TCEA3: variants seen among roughly 807,000 people sequenced by gnomAD.
TCEA3 encodes transcription elongation factor A protein 3.
In TCEA3, 36 loss-of-function variants were observed where a neutral mutation model predicts 44.0. The ratio of observed to expected loss-of-function variants is 0.82; its 90% CI spans 0.63 to 1.08. The LOEUF is 1.08. Ranked by LOEUF, TCEA3 falls within the 50% of genes least tolerant of loss-of-function variation. The pLI is 0.00. For missense variants in TCEA3, 392 were observed against 441.2 expected (o/e 0.89, Z 1.00); for synonymous variants, 162 against 159.7 (o/e 1.01, Z -0.11).
At chr1:23,382,479 CT>C (rs375291698) in intron 10 of TCEA3, among the ~76,000 whole-genome samples, 1 of 152,108 alleles carries the variant, frequency 6.6e-6, no homozygotes, top group African/African-American at 2.4e-5. Flanking sequence ...GTACTCAGGG[CT>C]TTTTTTGTAT....
At chr1:23,419,037 C>A (rs1026515098) in intron 2 of TCEA3, 40 bp downstream of exon 2, 1 of 1,098,532 alleles carries the variant, frequency 9.1e-7, no homozygotes. Context: ...ACCAGCTCTC[C>A]CCCCAGGCAC....
intron 1 of TCEA3, among the ~76,000 whole-genome samples, chr1:23,420,810 T>C (rs1184716682): frequency 6.6e-6 from 1 of 152,100 alleles, no homozygotes; most frequent in Non-Finnish European, 1.5e-5. Context: ...GGTTTGAAAA[T>C]CTGTGAGCTG....
chr1:23,392,415 CA>C (rs1639067882), intron 8 of TCEA3, among the ~76,000 whole-genome samples: 1 of 774 alleles, frequency 1.3e-3, no homozygotes, highest in African/African-American at 5.1e-3. Context: ...TCATCATGCA[CA>C]ATACACACAC....
At chr1:23,389,469 A>G (rs1357617627) in intron 8 of TCEA3, among the ~76,000 whole-genome samples, 1 of 144,634 alleles carries the variant, frequency 6.9e-6, no homozygotes. Flanking sequence ...CGCCTGGGCA[A>G]CAACAGCGAG....
At chr1:23,384,259 G>A in intron 10 of TCEA3, 87 bp downstream of exon 10, 1 of 1,607,606 alleles carries the variant, frequency 6.2e-7, no homozygotes, top group Non-Finnish European at 8.5e-7. Flanking sequence ...CATGCACAAG[G>A]CCCCTTCTGG....
chr1:23,392,497 AC>A (rs1558030798), intron 8 of TCEA3, among the ~76,000 whole-genome samples: 1 of 48,658 alleles, frequency 2.1e-5, no homozygotes, highest in African/African-American at 7.8e-5. Flanking sequence ...CACATCACAC[AC>A]TCACACTCCA....
rs1037116465 is a variant in TCEA3, at chr1:23,409,785, G to A, written c.381-1059C>T. The stretch of plus-strand genomic sequence containing the variant: ...GCTGGTCTCAAACTCCTGACATCAG[G>A]TGATCTGCCCACCTCGGCCTCCCAA... On this transcript the variant is annotated intron_variant, in intron 4 of 10. Coordinates refer to ENST00000450454, the MANE Select transcript of TCEA3 (RefSeq NM_003196.3). 2.0e-5 allele frequency among the ~76,000 whole-genome samples: 3 copies of A among 152,082 alleles called. No individual in the cohort carries two copies. The South Asian group carries it at 6.2e-4, about 32-fold the overall frequency.
rs115183656 is a variant in TCEA3, at chr1:23,422,595, C to T, written c.69+1970G>A. ...ACTTTCACTCCCAGAGCAGGCCCCA[C>T]CTTTCTCGGCCAGACGCCCAGAGCT... On this transcript the variant is annotated intron_variant, in intron 1 of 10. Transcript: ENST00000450454. Among the ~76,000 whole-genome samples the T allele has an allele frequency of 1.7e-3, 261 of 152,252 alleles. 1 individual carries two copies. The highest frequency in any genetic ancestry group is 3.4e-3 in the Middle Eastern group (1 of 292).
intron 5 of TCEA3, among the ~76,000 whole-genome samples, chr1:23,402,167 C>T (rs1261845588): frequency 6.6e-6 from 1 of 152,210 alleles, no homozygotes; most frequent in Non-Finnish European, 1.5e-5. Flanking sequence ...TGGCGAAACA[C>T]TGTCTGTACT....
At chr1:23,419,194 G>C in intron 1 of TCEA3, 55 bp from the exon 2 acceptor site, 1 of 1,399,352 alleles carries the variant, frequency 7.1e-7, no homozygotes, top group Non-Finnish European at 9.8e-7. Flanking sequence ...AGGCTTCTCT[G>C]ACTATTGTGT....
Position 23,393,987 on chromosome 1 carries a change from G to T in TCEA3, c.711C>A (p.Arg237=). 1 of 1,614,040 alleles carries T rather than the reference G, an allele frequency of 6.2e-7. No homozygotes were observed. Among genetic ancestry groups the T allele is most frequent in the Non-Finnish European group, 8.5e-7 (1 of 1,179,902 alleles). ...TGAGGTTGCTTATGCGGCTGCGCAC[G>T]CGGTTCCGGTACTTCATGTCCGTGC... ...LKSTDMKYRN[R]VRSRISNLKD... The change falls in exon 8 of 11, where the codon CGC becomes CGA. Residue 237 remains arginine (R), a synonymous_variant. Coordinates refer to ENST00000450454, the MANE Select transcript of TCEA3 (RefSeq NM_003196.3).
chr1:23,402,410 C>A (rs11809633), intron 5 of TCEA3, among the ~76,000 whole-genome samples: 6,163 of 152,264 alleles, frequency 0.04, 443 homozygotes, highest in African/African-American at 0.14. Flanking sequence ...CTGCCCCTAC[C>A]CACTTTCTGA....
intron 7 of TCEA3, among the ~76,000 whole-genome samples, chr1:23,394,804 G>C (rs530805459): frequency 6.6e-6 from 1 of 152,352 alleles, no homozygotes; most frequent in Non-Finnish European, 1.5e-5. Flanking sequence ...GCAGAGACAG[G>C]GCTGGAAGCC....
At position 23,393,865 on chromosome 1, in the gene TCEA3, T is replaced by C; in HGVS notation, c.819+14A>G. 1 of 1,611,456 alleles carries C rather than the reference T, an allele frequency of 6.2e-7. No homozygotes were observed. ...CTGGCTTCCTGCCTCACCATGCAGATGCCCTGCTCTCACCTCTGCCGTCAT... is the reference window on the plus strand; with the variant it reads ...CTGGCTTCCTGCCTCACCATGCAGACGCCCTGCTCTCACCTCTGCCGTCAT... On this transcript the variant is annotated intron_variant, in intron 8 of 10. Transcript: ENST00000450454.
At chr1:23,389,494 A>AG (rs1479232135) in intron 8 of TCEA3, among the ~76,000 whole-genome samples, 1 of 150,768 alleles carries the variant, frequency 6.6e-6, no homozygotes, top group East Asian at 1.9e-4. Flanking sequence ...CATCAAAAAA[A>AG]AAAAAAAAGC....
intron 4 of TCEA3, among the ~76,000 whole-genome samples, chr1:23,412,399 C>CA (rs1267820171): frequency 0.051 from 2,835 of 55,316 alleles, 75 homozygotes; most frequent in African/African-American, 0.11. Context: ...GACTCTGTCT[C>CA]AAAAAAAAAA....
intron 1 of TCEA3, chr1:23,419,368 C>T: frequency 2.7e-6 from 1 of 373,942 alleles, no homozygotes; most frequent in Non-Finnish European, 4.8e-6. Flanking sequence ...GGCTCCTGAC[C>T]TCCAGCCTTT....
At chr1:23,402,409 C>T (rs1026345373) in intron 5 of TCEA3, among the ~76,000 whole-genome samples, 3 of 152,304 alleles carry the variant, frequency 2.0e-5, no homozygotes, top group African/African-American at 7.2e-5. Context: ...CCTGCCCCTA[C>T]CCACTTTCTG....
chr1:23,399,136 G>GTATATATATA (rs1191975371), intron 5 of TCEA3, among the ~76,000 whole-genome samples: 7 of 58,684 alleles, frequency 1.2e-4, no homozygotes, highest in African/African-American at 2.6e-4. Context: ...TTATATATAT[G>GTATATATATA]TATATATGTA....
Sources: allele counts gnomAD v4.1 joint callset (sites outside exome capture counted in the v4.1 genomes callset), GRCh38; gene constraint gnomAD v4.1.1; transcripts MANE v1.5; gene names NCBI Gene and HGNC (gene_info 2026-07-23, HGNC 2026-07-21).